Variants in CDC16 observed in about 807,000 individuals in gnomAD.
The protein encoded by CDC16 is cell division cycle 16.
Under a neutral mutation model 87.0 loss-of-function variants are expected in CDC16, and 34 were observed. That is an observed-to-expected ratio of 0.39 (90% CI 0.30 to 0.52). The LOEUF is 0.52. Ranked by LOEUF, CDC16 falls within the 20% of genes least tolerant of loss-of-function variation. The pLI, the probability that CDC16 is intolerant of heterozygous loss-of-function variation, is 0.74. For synonymous variants in CDC16, 263 were observed against 260.6 expected, an observed-to-expected ratio of 1.01 and a Z score of -0.09; for missense variants, 653 against 751.9, an observed-to-expected ratio of 0.87 and a Z score of 1.54.
At chr13:114,269,339 C>G (rs1368241818) in intron 17 of CDC16, among the ~76,000 whole-genome samples, 1 of 152,116 alleles carries the variant, frequency 6.6e-6, no homozygotes. Flanking sequence ...ACGTTCTGTT[C>G]CATCAGTACA....
chr13:114,246,963 C>T lies in CDC16; in HGVS notation c.930C>T (p.Leu310=). ...VSWFAVGCYY[L]MVGHKNEHAR... ...GGTTTGCAGTGGGATGTTACTATCT[C>T]ATGGTCGGTCATAAAAATGAACATG... Residue 310 remains leucine (L), a synonymous_variant, in exon 11 of 18, where the codon CTC becomes CTT. Transcript: ENST00000356221. 2 of 1,613,138 alleles carry T rather than the reference C, an allele frequency of 1.2e-6. No homozygotes were observed. The highest frequency in any genetic ancestry group is 1.7e-6 in the Non-Finnish European group (2 of 1,179,250).
At position 114,262,886 on chromosome 13, in the gene CDC16, G is replaced by A; in HGVS notation, c.1384G>A (p.Ala462Thr). 1.2e-6 allele frequency: 2 copies of A among 1,614,158 alleles called. No homozygotes were observed. Among genetic ancestry groups the A allele is most frequent in the Non-Finnish European group, 1.7e-6 (2 of 1,180,012 alleles). ...TTGTGTTCTCTCCCACAGAAAGTAT[G>A]CTGAGGCCTTGGATTACCACCGTCA... ...GHVCRKLKKYAEALDYHRQAL... is the reference protein window; with the variant it reads ...GHVCRKLKKYTEALDYHRQAL... Residue 462 changes from alanine (A) to threonine (T), a missense_variant, in exon 16 of 18, where the codon GCT (alanine) becomes ACT (threonine). Ala to Thr is a moderately conservative substitution (Grantham distance 58). Coordinates refer to ENST00000356221, the MANE Select transcript of CDC16 (RefSeq NM_001078645.3).
intron 17 of CDC16, among the ~76,000 whole-genome samples, chr13:114,269,008 T>C (rs1204715757): frequency 6.6e-6 from 1 of 152,178 alleles, no homozygotes; most frequent in Non-Finnish European, 1.5e-5. Flanking sequence ...AAGCCTATTA[T>C]ATCAGCTCTC....
At chr13:114,250,014 A>G (rs1594600800) in intron 11 of CDC16, among the ~76,000 whole-genome samples, 2 of 152,262 alleles carry the variant, frequency 1.3e-5, no homozygotes, top group East Asian at 3.9e-4. Flanking sequence ...CTCCTTATAT[A>G]AAATTAACAA....
chr13:114,253,193 G>T (rs1274422892), intron 12 of CDC16, among the ~76,000 whole-genome samples: 1 of 152,150 alleles, frequency 6.6e-6, no homozygotes, highest in Non-Finnish European at 1.5e-5. Flanking sequence ...ACTTGTCTGT[G>T]TTTGGATAAA....
At chr13:114,253,562 C>T (rs1322685428) in intron 12 of CDC16, among the ~76,000 whole-genome samples, 4 of 151,862 alleles carry the variant, frequency 2.6e-5, no homozygotes, top group Non-Finnish European at 4.4e-5. Flanking sequence ...TGGTGGCTCA[C>T]GCCTGTAGTC....
At chr13:114,251,247 T>G (rs1003111236) in intron 12 of CDC16, among the ~76,000 whole-genome samples, 5 of 152,146 alleles carry the variant, frequency 3.3e-5, no homozygotes, top group Admixed American at 6.5e-5. Context: ...AGTGCAGTGG[T>G]CCAGAGGCCT....
intron 16 of CDC16, among the ~76,000 whole-genome samples, chr13:114,264,515 G>A (rs979274909): frequency 1.3e-5 from 2 of 150,802 alleles, no homozygotes; most frequent in Non-Finnish European, 2.9e-5. Context: ...AGCTGAGATC[G>A]CGCCACTGCA....
chr13:114,259,744 C>T (rs2082725467), intron 14 of CDC16, among the ~76,000 whole-genome samples: 1 of 152,226 alleles, frequency 6.6e-6, no homozygotes, highest in South Asian at 2.1e-4. Flanking sequence ...TCCTCTAGAA[C>T]TTCAGAGAGC....
intron 13 of CDC16, among the ~76,000 whole-genome samples, chr13:114,258,758 G>A (rs757738535): frequency 5.9e-5 from 9 of 152,128 alleles, no homozygotes; most frequent in African/African-American, 1.2e-4. Context: ...CCTGGCAGCC[G>A]CGGTTCAATA....
At chr13:114,250,997 A>G (rs2082141750) in intron 12 of CDC16, among the ~76,000 whole-genome samples, 1 of 152,234 alleles carries the variant, frequency 6.6e-6, no homozygotes, top group Non-Finnish European at 1.5e-5. Flanking sequence ...ATTATATCTT[A>G]TCTATTACCA....
chr13:114,250,109 G>T (rs1334693774), intron 11 of CDC16, among the ~76,000 whole-genome samples: 1 of 152,116 alleles, frequency 6.6e-6, no homozygotes, highest in Admixed American at 6.5e-5. Flanking sequence ...GATTACTTGA[G>T]CCCAGGATTT....
intron 8 of CDC16, chr13:114,244,633 A>G (rs550936694): frequency 5.7e-5 from 17 of 298,370 alleles, no homozygotes; most frequent in Middle Eastern, 1.1e-3. Flanking sequence ...ATGTATTACA[A>G]TTCTGTTGAC....
chr13:114,240,759 TG>T (rs1195291618), intron 5 of CDC16, among the ~76,000 whole-genome samples: 3 of 152,186 alleles, frequency 2.0e-5, no homozygotes, highest in African/African-American at 7.2e-5. Flanking sequence ...TTTTTGTTTT[TG>T]TTTTTTTTTC....
At chr13:114,236,516 C>T (rs1219825213) in intron 1 of CDC16, 129 bp from the exon 2 acceptor site, 1 of 803,888 alleles carries the variant, frequency 1.2e-6, no homozygotes, top group Non-Finnish European at 1.7e-6. Context: ...AAATTGTTGT[C>T]TTGAGATGAA....
intron 17 of CDC16, among the ~76,000 whole-genome samples, chr13:114,268,531 A>T (rs528113189): frequency 5.9e-5 from 9 of 152,206 alleles, no homozygotes; most frequent in Non-Finnish European, 1.3e-4. Flanking sequence ...TCTGTGGCAG[A>T]TCAGAGGCTG....
chr13:114,262,353 G>A (rs543442418), intron 15 of CDC16, among the ~76,000 whole-genome samples: 2 of 152,262 alleles, frequency 1.3e-5, no homozygotes, highest in South Asian at 2.1e-4. Flanking sequence ...TCTATTGCAG[G>A]ATTTCTTTGA....
At position 114,234,974 on chromosome 13, in the gene CDC16, G is replaced by GGGCGGCGGCGGC. The variant is rs201328050; in HGVS notation, c.-107_-96dup. On this transcript the variant is annotated 5_prime_UTR_variant, in exon 1 of 18. Coordinates refer to ENST00000356221, the MANE Select transcript of CDC16 (RefSeq NM_001078645.3). ...TCGAGTCCGCGGCCTTCGAGTCCTGGGGCGGCGGCGGCGGCTGCAGGCACG... is the reference window on the plus strand; with the variant it reads ...TCGAGTCCGCGGCCTTCGAGTCCTGGGGCGGCGGCGGCGGCGGCGGCGGCGGCTGCAGGCACG... 891 of 778,624 alleles carry GGGCGGCGGCGGC rather than the reference G, an allele frequency of 1.1e-3. 4 individuals are homozygous for GGGCGGCGGCGGC. The African/African-American group carries it at 0.015, about 13-fold the overall frequency. 48.2% of individuals were successfully genotyped at this position (778,624 alleles called of 1,614,324 possible).
At chr13:114,235,481 A>C (rs1054051696) in intron 1 of CDC16, among the ~76,000 whole-genome samples, 1 of 152,214 alleles carries the variant, frequency 6.6e-6, no homozygotes, top group Non-Finnish European at 1.5e-5. Flanking sequence ...CTAGCTAATA[A>C]AACATTTTTG....
Sources: gnomAD v4.1 joint callset for allele counts (sites outside exome capture counted in the v4.1 genomes callset) on GRCh38, gnomAD v4.1.1 for gene constraint, MANE v1.5 for transcripts, NCBI Gene and HGNC (gene_info 2026-07-23, HGNC 2026-07-21) for gene names.